SUCLG2: variants seen among roughly 807,000 people sequenced by gnomAD.
SUCLG2 encodes the protein succinate-CoA ligase GDP-forming subunit beta.
A neutral mutation model predicts 47.9 loss-of-function variants in SUCLG2; 42 were observed. That is an observed-to-expected ratio of 0.88 (90% CI 0.69 to 1.14). The LOEUF is 1.14. Among genes scored for constraint, SUCLG2 ranks in the 50% most tolerant of loss-of-function variants. The probability of loss-of-function intolerance (pLI) is 0.00; values close to 1 mark genes in which losing one functional copy is unlikely to be tolerated. For missense variants in SUCLG2, 571 were observed against 525.9 expected (o/e 1.09, Z -0.84); for synonymous variants, 195 against 197.3 (o/e 0.99, Z 0.10).
At chr3:67,601,874 C>T (rs1475994584) in intron 2 of SUCLG2, among the ~76,000 whole-genome samples, 1 of 152,016 alleles carries the variant, frequency 6.6e-6, no homozygotes, top group Non-Finnish European at 1.5e-5. Context: ...CCCAGATACT[C>T]AGGAGGCTAA....
At chr3:67,385,200 G>C (rs1307813231) in intron 10 of SUCLG2, among the ~76,000 whole-genome samples, 1 of 152,204 alleles carries the variant, frequency 6.6e-6, no homozygotes, top group Non-Finnish European at 1.5e-5. Context: ...GCAGCACTTA[G>C]GATATGCGAG....
chr3:67,571,453 C>A (rs1180869796), intron 2 of SUCLG2, among the ~76,000 whole-genome samples: 2 of 152,106 alleles, frequency 1.3e-5, no homozygotes, highest in African/African-American at 4.8e-5. Flanking sequence ...ACAATAGCAC[C>A]CTGAATTCTA....
intron 2 of SUCLG2, among the ~76,000 whole-genome samples, chr3:67,569,990 T>C (rs1707564424): frequency 6.6e-6 from 1 of 152,008 alleles, no homozygotes; most frequent in Non-Finnish European, 1.5e-5. Flanking sequence ...AGAGACAGGG[T>C]CTTTAAAGAG....
intron 2 of SUCLG2, among the ~76,000 whole-genome samples, chr3:67,584,186 G>T (rs1707951808): frequency 6.6e-6 from 1 of 152,154 alleles, no homozygotes; most frequent in Non-Finnish European, 1.5e-5. Flanking sequence ...AAAATGTGCT[G>T]TATCTATACA....
chr3:67,388,005 T>G (rs751610457), intron 10 of SUCLG2, among the ~76,000 whole-genome samples: 1 of 151,940 alleles, frequency 6.6e-6, no homozygotes, highest in Non-Finnish European at 1.5e-5. Flanking sequence ...ACAATATCTA[T>G]AAAATGGTAA....
chr3:67,448,175 T>A lies in SUCLG2; in HGVS notation c.1063-47324A>T, dbSNP rs374167886. 1.3e-4 allele frequency among the ~76,000 whole-genome samples: 20 copies of A among 152,268 alleles called. No individual in the cohort carries two copies. The South Asian group carries it at 4.1e-3, about 32-fold the overall frequency. On this transcript the variant is annotated intron_variant, in intron 9 of 10. Coordinates refer to ENST00000307227, the MANE Select transcript of SUCLG2 (RefSeq NM_003848.4). ...TGGATGAAAAAAATCCCCAAAAAAC[T>A]ATGAATAACTTAATAGCCATCAAGA...
chr3:67,458,043 G>C (rs1275160007), intron 9 of SUCLG2, among the ~76,000 whole-genome samples: 1 of 152,094 alleles, frequency 6.6e-6, no homozygotes, highest in African/African-American at 2.4e-5. Context: ...AGGGAGGCTG[G>C]TTACTTTGCT....
intron 10 of SUCLG2, among the ~76,000 whole-genome samples, chr3:67,365,878 G>A (rs887984061): frequency 3.4e-4 from 52 of 152,160 alleles, no homozygotes; most frequent in African/African-American, 1.2e-3. Context: ...CAGGCAGTTT[G>A]CGTATTTAAA....
intron 9 of SUCLG2, among the ~76,000 whole-genome samples, chr3:67,472,551 T>C (rs1704631425): frequency 6.6e-6 from 1 of 152,212 alleles, no homozygotes; most frequent in Non-Finnish European, 1.5e-5. Context: ...TTACTTTAAT[T>C]ATATGCAGAC....
intron 9 of SUCLG2, among the ~76,000 whole-genome samples, chr3:67,418,832 C>T (rs780797556): frequency 2.6e-5 from 4 of 152,082 alleles, no homozygotes; most frequent in Non-Finnish European, 5.9e-5. Context: ...TAATCACAAA[C>T]GGCCTGGACC....
intron 2 of SUCLG2, among the ~76,000 whole-genome samples, chr3:67,606,676 A>C (rs920161054): frequency 2.0e-5 from 3 of 152,218 alleles, no homozygotes; most frequent in Non-Finnish European, 2.9e-5. Context: ...TTTCACAGTA[A>C]AAACCAATCT....
chr3:67,585,273 T>C (rs910942944), intron 2 of SUCLG2, among the ~76,000 whole-genome samples: 3 of 152,120 alleles, frequency 2.0e-5, no homozygotes, highest in Admixed American at 6.5e-5. Flanking sequence ...AACTTTCCAA[T>C]TGATCCCACC....
downstream of SUCLG2, chr3:67,374,651 A>AGT (rs1002182384): frequency 1.8e-6 from 1 of 560,580 alleles, no homozygotes; most frequent in African/African-American, 2.1e-5. Flanking sequence ...CACTAAGACT[A>AGT]GTGTCTTTGT....
intron 1 of SUCLG2, among the ~76,000 whole-genome samples, chr3:67,644,108 T>C (rs1023366435): frequency 1.3e-5 from 2 of 152,184 alleles, no homozygotes; most frequent in African/African-American, 2.4e-5. Flanking sequence ...ACTGAAAATG[T>C]AGCCCAAGCT....
intron 2 of SUCLG2, among the ~76,000 whole-genome samples, chr3:67,584,841 C>A (rs1198806968): frequency 1.3e-5 from 2 of 152,130 alleles, no homozygotes; most frequent in Non-Finnish European, 2.9e-5. Flanking sequence ...ATAAAACCAT[C>A]AGATCTCATG....
Position 67,368,295 on chromosome 3 carries a change from T to C in SUCLG2, c.1184-7527A>G, listed in dbSNP as rs1701901945. Among the ~76,000 whole-genome samples, 3 of 152,346 alleles carry C rather than the reference T, an allele frequency of 2.0e-5. No homozygotes were observed. The South Asian group carries it at 6.2e-4, about 32-fold the overall frequency. ...TCTTTATTCTTAAAGTTAAAAACCT[T>C]TGTCTTTAAAGTATCAACTTGCTGA... On this transcript the variant is annotated intron_variant, in intron 10 of 10. Transcript: ENST00000493112.
intron 9 of SUCLG2, among the ~76,000 whole-genome samples, chr3:67,459,062 C>T (rs1002693254): frequency 6.6e-6 from 1 of 152,142 alleles, no homozygotes; most frequent in Non-Finnish European, 1.5e-5. Flanking sequence ...CATGGAAGGT[C>T]AATTATCCAA....
chr3:67,429,071 C>A (rs777037049), intron 9 of SUCLG2, among the ~76,000 whole-genome samples: 1 of 152,162 alleles, frequency 6.6e-6, no homozygotes. Flanking sequence ...GCAAGGCAGG[C>A]CAACATTCAG....
chr3:67,399,759 A>G (rs991536287), intron 10 of SUCLG2, among the ~76,000 whole-genome samples: 6 of 152,246 alleles, frequency 3.9e-5, no homozygotes, highest in African/African-American at 1.2e-4. Flanking sequence ...AATGGGTTTT[A>G]ATGGAATATG....
Sources: gnomAD v4.1 joint callset for allele counts (sites outside exome capture counted in the v4.1 genomes callset) on GRCh38, gnomAD v4.1.1 for gene constraint, MANE v1.5 for transcripts, NCBI Gene and HGNC (gene_info 2026-07-23, HGNC 2026-07-21) for gene names.